Variants in DPP10 observed in about 807,000 individuals in gnomAD.
The protein encoded by DPP10 is inactive dipeptidyl peptidase 10.
DPP10 carries 33 observed loss-of-function variants against 120.9 expected under a neutral mutation model. The ratio of observed to expected loss-of-function variants is 0.27; its 90% confidence interval spans 0.21 to 0.37. The LOEUF is 0.37. Ranked by LOEUF, DPP10 falls within the 10% of genes least tolerant of loss-of-function variation. DPP10 has a pLI of 1.00. For synonymous variants in DPP10, 337 were observed against 326.1 expected, an observed-to-expected ratio of 1.03 and a Z score of -0.36; for missense variants, 816 against 942.8, an observed-to-expected ratio of 0.87 and a Z score of 1.76.
At chr2:114,997,505 A>G (rs1392501904) in intron 1 of DPP10, among the ~76,000 whole-genome samples, 1 of 6,712 alleles carries the variant, frequency 1.5e-4, no homozygotes, top group Non-Finnish European at 4.8e-3. Flanking sequence ...AAAAAGAAAA[A>G]AAAAAAGAAA....
chr2:114,478,438 C>CA (rs1336954982), intron 1 of DPP10, among the ~76,000 whole-genome samples: 2 of 151,940 alleles, frequency 1.3e-5, no homozygotes, highest in African/African-American at 4.8e-5. Context: ...AAAGCATCTA[C>CA]AAAAAACCTA....
chr2:115,243,727 A>G (rs2058393755), intron 1 of DPP10, among the ~76,000 whole-genome samples: 1 of 151,836 alleles, frequency 6.6e-6, no homozygotes, highest in African/African-American at 2.4e-5. Context: ...TTAGCTCAAG[A>G]TGTTGACTTT....
intron 1 of DPP10, among the ~76,000 whole-genome samples, chr2:114,574,561 A>C (rs529161611): frequency 6.6e-6 from 1 of 152,276 alleles, no homozygotes; most frequent in Admixed American, 6.5e-5. Flanking sequence ...TCATAATCGC[A>C]CCTGAGGCAT....
chr2:115,240,695 T>C (rs2058231312), intron 1 of DPP10, among the ~76,000 whole-genome samples: 2 of 152,230 alleles, frequency 1.3e-5, no homozygotes, highest in Admixed American at 6.5e-5. Flanking sequence ...CATCACGATA[T>C]TTGCTTTATT....
At chr2:115,192,779 A>G (rs1280141462) in intron 1 of DPP10, among the ~76,000 whole-genome samples, 1 of 152,060 alleles carries the variant, frequency 6.6e-6, no homozygotes, top group Non-Finnish European at 1.5e-5. Context: ...TAAGATTTTT[A>G]TAGACTCTTT....
intron 1 of DPP10, among the ~76,000 whole-genome samples, chr2:114,763,363 T>C (rs1182502112): frequency 3.3e-5 from 5 of 152,316 alleles, no homozygotes; most frequent in East Asian, 3.9e-4. Context: ...TTTCCTCTTA[T>C]GGCCTTCAGC....
chr2:114,748,390 A>C (rs893279064), intron 1 of DPP10, among the ~76,000 whole-genome samples: 25 of 95,902 alleles, frequency 2.6e-4, no homozygotes, highest in East Asian at 2.7e-4. Flanking sequence ...TTATTTATTT[A>C]TTTATTTATT....
At chr2:114,959,020 T>C (rs1316121593) in intron 1 of DPP10, among the ~76,000 whole-genome samples, 10 of 152,042 alleles carry the variant, frequency 6.6e-5, no homozygotes, top group African/African-American at 2.4e-5. Flanking sequence ...GTTGTTTTGA[T>C]TGGTTGTTTG....
At chr2:114,508,743 G>A (rs1683886858) in intron 1 of DPP10, among the ~76,000 whole-genome samples, 1 of 152,040 alleles carries the variant, frequency 6.6e-6, no homozygotes, top group Non-Finnish European at 1.5e-5. Context: ...CTCTCAGAGA[G>A]GCTGCTTTCA....
chr2:115,601,544 T>G (rs1420259649), intron 5 of DPP10, among the ~76,000 whole-genome samples: 1 of 152,170 alleles, frequency 6.6e-6, no homozygotes, highest in Non-Finnish European at 1.5e-5. Flanking sequence ...ATTTGACCAC[T>G]TGACAGAAAT....
chr2:115,479,063 A>T (rs2075270609), intron 3 of DPP10, among the ~76,000 whole-genome samples: 1 of 152,220 alleles, frequency 6.6e-6, no homozygotes, highest in Admixed American at 6.5e-5. Context: ...ATAAATACCC[A>T]AATGAATTGA....
chr2:114,749,879 A>G (rs1440320096), intron 1 of DPP10, among the ~76,000 whole-genome samples: 2 of 152,198 alleles, frequency 1.3e-5, no homozygotes, highest in Non-Finnish European at 2.9e-5. Flanking sequence ...GATCCTCCAC[A>G]TAATGCTGTG....
At chr2:115,078,339 T>C (rs1180102869) in intron 1 of DPP10, among the ~76,000 whole-genome samples, 1 of 152,210 alleles carries the variant, frequency 6.6e-6, no homozygotes, top group Admixed American at 6.5e-5. Context: ...AAAATTATAC[T>C]GTAACCTCAC....
intron 1 of DPP10, among the ~76,000 whole-genome samples, chr2:114,842,542 A>G (rs537504691): frequency 5.3e-5 from 8 of 152,234 alleles, no homozygotes; most frequent in African/African-American, 1.7e-4. Context: ...GGTACAGAAG[A>G]TAAGATGACT....
At chr2:115,091,609 G>A (rs1334646241) in intron 1 of DPP10, among the ~76,000 whole-genome samples, 3 of 152,108 alleles carry the variant, frequency 2.0e-5, no homozygotes, top group African/African-American at 7.2e-5. Context: ...GCCTAGTGCT[G>A]CTATTTTTCA....
intron 1 of DPP10, among the ~76,000 whole-genome samples, chr2:115,095,161 GT>G (rs1709609437): frequency 6.6e-6 from 1 of 152,168 alleles, no homozygotes; most frequent in Non-Finnish European, 1.5e-5. Context: ...GAAATGAATT[GT>G]TTTATTATGC....
chr2:114,480,111 A>G (rs1316227250), intron 1 of DPP10, among the ~76,000 whole-genome samples: 1 of 152,232 alleles, frequency 6.6e-6, no homozygotes, highest in Non-Finnish European at 1.5e-5. Flanking sequence ...AAGAATGCTC[A>G]TCATCACTGG....
intron 1 of DPP10, among the ~76,000 whole-genome samples, chr2:114,567,705 G>A (rs1689309894): frequency 6.6e-6 from 1 of 152,106 alleles, no homozygotes; most frequent in South Asian, 2.1e-4. Context: ...GCCCATGAAA[G>A]TTAAAAGAAT....
chr2:114,937,444 G>A (rs1696567558), intron 1 of DPP10, among the ~76,000 whole-genome samples: 2 of 152,150 alleles, frequency 1.3e-5, no homozygotes, highest in Admixed American at 1.3e-4. Flanking sequence ...ATGTGAAGGA[G>A]CAGGAAAGAT....
Sources: allele counts gnomAD v4.1 joint callset (sites outside exome capture counted in the v4.1 genomes callset), GRCh38; gene constraint gnomAD v4.1.1; transcripts MANE v1.5; gene names NCBI Gene and HGNC (gene_info 2026-07-23, HGNC 2026-07-21).